BPTF: variants seen among roughly 807,000 people sequenced by gnomAD.
The protein encoded by BPTF is bromodomain PHD finger transcription factor.
Under a neutral mutation model 292.5 loss-of-function variants are expected in BPTF, and 18 were observed. That is an observed-to-expected ratio of 0.06 (90% CI 0.04 to 0.09). BPTF has a LOEUF of 0.09. BPTF is among the 10% of genes least tolerant of loss of function. The pLI, the probability that BPTF is intolerant of heterozygous loss-of-function variation, is 1.00. For missense variants in BPTF, 2,726 were observed against 3,498.7 expected (o/e 0.78, Z 5.57); for synonymous variants, 1,225 against 1,251.9 (o/e 0.98, Z 0.45).
intron 4 of BPTF, 117 bp downstream of exon 4, chr17:67,875,137 T>G: frequency 2.3e-6 from 2 of 864,086 alleles, no homozygotes; most frequent in Non-Finnish European, 3.6e-6. Context: ...TTAATATTTC[T>G]AAAGAGATCA....
intron 2 of BPTF, among the ~76,000 whole-genome samples, chr17:67,865,238 C>T (rs899053434): frequency 1.2e-4 from 18 of 152,188 alleles, no homozygotes; most frequent in Admixed American, 1.0e-3. Context: ...GGAACTCCAC[C>T]CATATCCTTT....
At chr17:67,918,285 GC>G (rs2063189922) in intron 11 of BPTF, among the ~76,000 whole-genome samples, 1 of 152,020 alleles carries the variant, frequency 6.6e-6, no homozygotes, top group Non-Finnish European at 1.5e-5. Context: ...TCTTGTTTTT[GC>G]AAAAGTTAGG....
chr17:67,842,951 A>G (rs1381473055), intron 1 of BPTF, among the ~76,000 whole-genome samples: 1 of 151,816 alleles, frequency 6.6e-6, no homozygotes, highest in Non-Finnish European at 1.5e-5. Context: ...TCAGAGATAA[A>G]GAGCAACAGA....
At position 67,946,014 on chromosome 17, in the gene BPTF, C is replaced by T. The variant is rs2065784364; in HGVS notation, c.7306C>T (p.Pro2436Ser). The T allele has an allele frequency of 1.2e-6, 2 of 1,614,198 alleles. No homozygotes were observed. Among genetic ancestry groups the T allele is most frequent in the Non-Finnish European group, 1.7e-6 (2 of 1,180,028 alleles). ...QQPQPQVIAV[P>S]QLQQQVQVLS... ...GCCACAGCCCCAAGTCATTGCTGTG[C>T]CTCAGCTGCAACAACAAGTCCAGGT... Residue 2436 changes from proline to serine, a missense_variant, in exon 21 of 28, where the codon CCT becomes TCT. Around this residue, in one of 22 missense-constraint regions of BPTF, gnomAD observed 570 missense variants for 633.5 expected, o/e 0.90. Coordinates refer to ENST00000306378, the MANE Select transcript of BPTF (RefSeq NM_182641.4).
intron 11 of BPTF, among the ~76,000 whole-genome samples, chr17:67,917,252 C>A (rs192005500): frequency 6.6e-6 from 1 of 150,772 alleles, no homozygotes; most frequent in Admixed American, 6.7e-5. Context: ...TCTTTCTCAG[C>A]CTCCCAACTA....
intron 4 of BPTF, among the ~76,000 whole-genome samples, chr17:67,888,733 G>T (rs968740338): frequency 1.3e-5 from 2 of 152,002 alleles, no homozygotes; most frequent in African/African-American, 4.8e-5. Context: ...AATAAAACTG[G>T]ATGCCATTGT....
intron 2 of BPTF, among the ~76,000 whole-genome samples, chr17:67,862,840 A>G (rs1398512689): frequency 7.6e-6 from 1 of 131,412 alleles, no homozygotes; most frequent in Non-Finnish European, 1.6e-5. Context: ...GGCCTTTTCT[A>G]GCTTCTAGCA....
intron 3 of BPTF, among the ~76,000 whole-genome samples, chr17:67,872,772 A>G (rs2059823359): frequency 6.6e-6 from 1 of 152,170 alleles, no homozygotes; most frequent in Non-Finnish European, 1.5e-5. Context: ...CGGTAACTAC[A>G]TTTTCTTTTT....
chr17:67,903,354 G>A (rs548809881), intron 7 of BPTF, among the ~76,000 whole-genome samples: 13 of 152,176 alleles, frequency 8.5e-5, no homozygotes, highest in Non-Finnish European at 1.8e-4. Flanking sequence ...GCATATCCAT[G>A]CAATGGAATA....
chr17:67,832,119 AC>A (rs1340689269), intron 1 of BPTF, among the ~76,000 whole-genome samples: 1 of 151,870 alleles, frequency 6.6e-6, no homozygotes, highest in African/African-American at 2.4e-5. Context: ...CAAACTCCTG[AC>A]CTTGTGATCC....
intron 24 of BPTF, among the ~76,000 whole-genome samples, chr17:67,960,759 G>C (rs1287401677): frequency 6.6e-6 from 1 of 152,160 alleles, no homozygotes; most frequent in Non-Finnish European, 1.5e-5. Context: ...ACCTTAAGTG[G>C]ATACCTAATT....
In BPTF at chr17:67,948,119, A is replaced by G. The variant is rs1555676425; in HGVS notation, c.7739A>G (p.Asp2580Gly). Residue 2580 changes from aspartate (D) to glycine (G), a missense_variant, in exon 23 of 28, where the codon GAT (aspartate) becomes GGT (glycine). Transcript: ENST00000306378. ...VCNQVMKYIL[D>G]KIDKEEKQAA... is the part of the protein sequence containing the mutation. ...AACCAGGTGATGAAGTATATTTTGGATAAGATAGATAAAGAAGAAAAACAG... is the reference window on the plus strand; with the variant it reads ...AACCAGGTGATGAAGTATATTTTGGGTAAGATAGATAAAGAAGAAAAACAG... The G allele has an allele frequency of 6.2e-7, 1 of 1,614,204 alleles. No homozygotes were observed. The highest frequency in any genetic ancestry group is 1.6e-4 in the Middle Eastern group (1 of 6,062).
chr17:67,963,923 A>G (rs1219708093), intron 24 of BPTF, among the ~76,000 whole-genome samples: 5 of 152,198 alleles, frequency 3.3e-5, no homozygotes, highest in Admixed American at 2.6e-4. Context: ...GTACTAGTTG[A>G]AAGATTTTTG....
intron 1 of BPTF, among the ~76,000 whole-genome samples, chr17:67,852,698 A>G (rs1312012124): frequency 1.3e-5 from 2 of 152,254 alleles, no homozygotes; most frequent in Non-Finnish European, 2.9e-5. Flanking sequence ...ACTATATTGA[A>G]TTAAATATTT....
intron 1 of BPTF, among the ~76,000 whole-genome samples, chr17:67,842,657 A>G (rs1340795379): frequency 6.6e-6 from 1 of 152,134 alleles, no homozygotes; most frequent in Non-Finnish European, 1.5e-5. Context: ...CCACAATGAA[A>G]ATATAAAACA....
In BPTF at chr17:67,850,285, T is replaced by C. The variant is rs187624377; in HGVS notation, c.614-3655T>C. ...GTGATATTAACTACTAGTTCATGTA[T>C]GTATTCATCCGTAAGTAGTATATAA... On this transcript the variant is annotated intron_variant, in intron 1 of 27. Transcript: ENST00000306378. Among the ~76,000 whole-genome samples the C allele has an allele frequency of 5.5e-4, 84 of 152,350 alleles. No homozygotes were observed. In the East Asian group the frequency reaches 5.6e-3, roughly 10 times the overall value.
chr17:67,885,767 C>G (rs907646383), intron 4 of BPTF, among the ~76,000 whole-genome samples: 1 of 152,144 alleles, frequency 6.6e-6, no homozygotes, highest in African/African-American at 2.4e-5. Flanking sequence ...AGCAAACTAC[C>G]TCTGCAATAT....
At chr17:67,897,820 T>G (rs1156346641) in intron 7 of BPTF, among the ~76,000 whole-genome samples, 1 of 152,238 alleles carries the variant, frequency 6.6e-6, no homozygotes, top group Non-Finnish European at 1.5e-5. Flanking sequence ...TTTATAATTA[T>G]TGTTTCTGTT....
intron 26 of BPTF, among the ~76,000 whole-genome samples, chr17:67,971,959 G>C (rs914574828): frequency 6.6e-6 from 1 of 152,046 alleles, no homozygotes; most frequent in African/African-American, 2.4e-5. Flanking sequence ...CTTTTGAGGG[G>C]TATATTTTTT....
Sources: gnomAD v4.1 joint callset for allele counts (sites outside exome capture counted in the v4.1 genomes callset) on GRCh38, gnomAD v4.1.1 for gene constraint, gnomAD v4.1.1 regional missense constraint, MANE v1.5 for transcripts, NCBI Gene and HGNC (gene_info 2026-07-23, HGNC 2026-07-21) for gene names.